The following AIG1 variants were observed in gnomAD, a reference collection of about 807,000 sequenced individuals.
AIG1 encodes androgen induced 1.
In AIG1, 23 loss-of-function variants were observed where a neutral mutation model predicts 31.4. The observed-to-expected ratio is 0.73, with a 90% CI of 0.53 to 1.04. The LOEUF (loss-of-function observed/expected upper bound fraction) is 1.04, where lower values mean the gene tolerates loss of function less well. Among genes scored for constraint, AIG1 ranks in the 50% least tolerant of loss-of-function variants. The probability of loss-of-function intolerance (pLI) is 0.00; values close to 1 mark genes in which losing one functional copy is unlikely to be tolerated. For missense variants in AIG1, 274 were observed against 295.0 expected (o/e 0.93, Z 0.52); for synonymous variants, 100 against 110.5 (o/e 0.90, Z 0.60).
chr6:143,148,725 C>T (rs1784916551), intron 2 of AIG1, among the ~76,000 whole-genome samples: 1 of 151,580 alleles, frequency 6.6e-6, no homozygotes, highest in African/African-American at 2.4e-5. Context: ...TGGGAGACTG[C>T]AGTAAGACTG....
chr6:143,149,509 GGA>G (rs1430647368), intron 2 of AIG1, among the ~76,000 whole-genome samples: 72 of 145,120 alleles, frequency 5.0e-4, no homozygotes, highest in African/African-American at 1.8e-3. Context: ...CTCTAGGCTG[GGA>G]GAGAGAGTGA....
At chr6:143,158,312 C>G (rs2128555895) in intron 2 of AIG1, among the ~76,000 whole-genome samples, 1 of 152,260 alleles carries the variant, frequency 6.6e-6, no homozygotes, top group African/African-American at 2.4e-5. Context: ...CCCCAGTGCT[C>G]CCATGCATCG....
chr6:143,150,610 T>G (rs1337950968), intron 2 of AIG1, among the ~76,000 whole-genome samples: 1 of 152,170 alleles, frequency 6.6e-6, no homozygotes, highest in African/African-American at 2.4e-5. Flanking sequence ...GCCTCTGTCC[T>G]ATCGCAAGAA....
chr6:143,181,299 C>T (rs1000824549), intron 3 of AIG1, among the ~76,000 whole-genome samples: 1 of 152,164 alleles, frequency 6.6e-6, no homozygotes, highest in Non-Finnish European at 1.5e-5. Flanking sequence ...CTAGGACTCT[C>T]AAATGGACCT....
At chr6:143,130,391 G>A (rs187963348) in intron 1 of AIG1, among the ~76,000 whole-genome samples, 27 of 152,144 alleles carry the variant, frequency 1.8e-4, no homozygotes, top group African/African-American at 6.3e-4. Flanking sequence ...CCTACTGTAT[G>A]CTTAGCTTGC....
At chr6:143,209,543 T>G (rs1436329859) in intron 3 of AIG1, among the ~76,000 whole-genome samples, 3 of 152,148 alleles carry the variant, frequency 2.0e-5, no homozygotes, top group Non-Finnish European at 4.4e-5. Context: ...CCATTGCTGG[T>G]TCTGAAGATG....
chr6:143,303,182 T>A (rs1246998155), intron 4 of AIG1, among the ~76,000 whole-genome samples: 1 of 151,686 alleles, frequency 6.6e-6, no homozygotes, highest in Non-Finnish European at 1.5e-5. Flanking sequence ...GGTTGCCTGT[T>A]CACTCTGATG....
intron 4 of AIG1, among the ~76,000 whole-genome samples, chr6:143,305,794 CT>C (rs1799250583): frequency 1.3e-5 from 2 of 151,622 alleles, no homozygotes; most frequent in Admixed American, 1.3e-4. Context: ...AACTTTCTGT[CT>C]CGTTGATCTG....
chr6:143,095,043 A>G (rs764686959), intron 1 of AIG1, among the ~76,000 whole-genome samples: 4 of 152,266 alleles, frequency 2.6e-5, no homozygotes, highest in Middle Eastern at 3.4e-3. Flanking sequence ...TGGCAAAAAC[A>G]AAAAAGGAAA....
chr6:143,242,626 C>G (rs1032299474), intron 3 of AIG1, among the ~76,000 whole-genome samples: 1 of 152,124 alleles, frequency 6.6e-6, no homozygotes, highest in African/African-American at 2.4e-5. Context: ...AGTTAGTGAC[C>G]CAGTGCCATT....
At chr6:143,155,878 G>A (rs1295719019) in intron 2 of AIG1, among the ~76,000 whole-genome samples, 1 of 152,116 alleles carries the variant, frequency 6.6e-6, no homozygotes, top group Non-Finnish European at 1.5e-5. Flanking sequence ...GGAGCCATTG[G>A]GACTTCTGAG....
intron 3 of AIG1, among the ~76,000 whole-genome samples, chr6:143,219,239 C>G (rs575904489): frequency 3.9e-5 from 6 of 152,150 alleles, no homozygotes; most frequent in African/African-American, 1.4e-4. Context: ...AGAGATGGAC[C>G]CTAGCCCCAG....
intron 3 of AIG1, chr6:143,189,317 G>A (rs1172281052): frequency 2.5e-6 from 2 of 809,002 alleles, no homozygotes; most frequent in African/African-American, 1.8e-5. Flanking sequence ...CTGGCCTCAA[G>A]CGATCCTCCT....
intron 1 of AIG1, among the ~76,000 whole-genome samples, chr6:143,082,592 G>T (rs201313563): frequency 2.0e-5 from 3 of 152,172 alleles, no homozygotes; most frequent in Non-Finnish European, 4.4e-5. Context: ...CACAGTAAGA[G>T]CTCTTCCTTG....
chr6:143,127,023 A>G (rs1162622674), intron 1 of AIG1, among the ~76,000 whole-genome samples: 3 of 152,198 alleles, frequency 2.0e-5, no homozygotes, highest in Non-Finnish European at 4.4e-5. Context: ...AGTAATATCT[A>G]TCTATCTAGA....
intron 1 of AIG1, among the ~76,000 whole-genome samples, chr6:143,071,218 A>G (rs1024086604): frequency 7.2e-5 from 11 of 152,330 alleles, no homozygotes; most frequent in Middle Eastern, 3.4e-3. Flanking sequence ...TTTTTTTAAA[A>G]ATCAGAATAA....
At position 143,216,516 on chromosome 6, in the gene AIG1, C is replaced by T. The variant is rs933201209; in HGVS notation, c.399+51333C>T. Among the ~76,000 whole-genome samples the T allele has an allele frequency of 2.6e-5, 4 of 152,304 alleles. No individual in the cohort carries two copies. The East Asian group carries it at 7.7e-4, about 29-fold the overall frequency. On this transcript the variant is annotated intron_variant, in intron 3 of 5. Transcript: ENST00000357847. The stretch of plus-strand genomic sequence containing the variant: ...GTACTCTGTTACCAGGGAGATTGTA[C>T]AAGCTGAATTGATGTTTAGCAGCAG...
chr6:143,099,127 GATA>G (rs1316912721), intron 1 of AIG1, among the ~76,000 whole-genome samples: 1 of 152,074 alleles, frequency 6.6e-6, no homozygotes, highest in Admixed American at 6.5e-5. Flanking sequence ...TACCATTTAG[GATA>G]ATAACCATAT....
chr6:143,250,951 G>A (rs888613478), intron 3 of AIG1, among the ~76,000 whole-genome samples: 4 of 152,176 alleles, frequency 2.6e-5, no homozygotes, highest in African/African-American at 7.2e-5. Context: ...TGCTGGAAGA[G>A]GCAATCAAGA....
Sources: allele counts gnomAD v4.1 joint callset (sites outside exome capture counted in the v4.1 genomes callset), GRCh38; gene constraint gnomAD v4.1.1; transcripts MANE v1.5; gene names NCBI Gene and HGNC (gene_info 2026-07-23, HGNC 2026-07-21).